Variants in ZNF334 observed in about 807,000 individuals in gnomAD.
ZNF334 encodes the protein zinc finger protein 334.
In ZNF334, 14 loss-of-function variants were observed where a neutral mutation model predicts 12.4. The ratio of observed to expected loss-of-function variants is 1.13; its 90% CI spans 0.74 to 1.76. The LOEUF is 1.76. ZNF334 is among the 40% of genes most tolerant of loss of function. The pLI, the probability that ZNF334 is intolerant of heterozygous loss-of-function variation, is 0.00. For synonymous variants in ZNF334, 273 were observed against 269.6 expected (o/e 1.01, Z -0.12); for missense variants, 797 against 804.5 (o/e 0.99, Z 0.11).
the ZNF334 span, among the ~76,000 whole-genome samples, chr20:46,465,861 G>A: frequency 1.3e-3 from 197 of 152,082 alleles, no homozygotes; most frequent in African/African-American, 4.7e-3. Context: ...AACCTGAGGC[G>A]GGAGAATGGC....
At chr20:46,508,379 G>A (rs1048825902) in intron 2 of ZNF334, among the ~76,000 whole-genome samples, 1 of 152,188 alleles carries the variant, frequency 6.6e-6, no homozygotes, top group Non-Finnish European at 1.5e-5. Flanking sequence ...CAAAGAAGAG[G>A]GCCAGCATTG....
the ZNF334 span, among the ~76,000 whole-genome samples, chr20:46,490,305 C>A: frequency 6.6e-6 from 1 of 152,124 alleles, no homozygotes; most frequent in Non-Finnish European, 1.5e-5. Context: ...AGAGCATCGG[C>A]CCAATCAATA....
At chr20:46,472,226 T>C in the ZNF334 span, among the ~76,000 whole-genome samples, 2 of 152,210 alleles carry the variant, frequency 1.3e-5, no homozygotes. Context: ...CCTTGCGGAA[T>C]ATAGTCCAGC....
the ZNF334 span, among the ~76,000 whole-genome samples, chr20:46,476,807 TA>T: frequency 0.089 from 13,515 of 152,236 alleles, 651 homozygotes; most frequent in East Asian, 0.18. Flanking sequence ...TGCCTTTCCA[TA>T]AGTTATAATG....
chr20:46,469,338 A>G, the ZNF334 span, among the ~76,000 whole-genome samples: 1 of 151,454 alleles, frequency 6.6e-6, no homozygotes, highest in East Asian at 1.9e-4. Context: ...GGACACCTTT[A>G]GAGATCCACC....
the ZNF334 span, among the ~76,000 whole-genome samples, chr20:46,479,643 C>G: frequency 6.6e-6 from 1 of 152,242 alleles, no homozygotes; most frequent in African/African-American, 2.4e-5. Flanking sequence ...TTGAAATGGC[C>G]CTGCAAAGCT....
chr20:46,503,303 T>C (rs1294051852), intron 4 of ZNF334, among the ~76,000 whole-genome samples: 2 of 152,164 alleles, frequency 1.3e-5, no homozygotes, highest in East Asian at 1.9e-4. Context: ...AATCCATCCA[T>C]ACCAGCCACT....
the ZNF334 span, among the ~76,000 whole-genome samples, chr20:46,488,367 C>T: frequency 2.1e-5 from 3 of 141,312 alleles, 1 homozygote; most frequent in African/African-American, 2.7e-5. Context: ...TACCTGCAAG[C>T]GATAGTATAC....
At chr20:46,468,543 C>A in the ZNF334 span, among the ~76,000 whole-genome samples, 4 of 151,998 alleles carry the variant, frequency 2.6e-5, no homozygotes, top group East Asian at 3.9e-4. Flanking sequence ...CCTCAGCCTC[C>A]GTAAGTGTTG....
the ZNF334 span, among the ~76,000 whole-genome samples, chr20:46,488,440 TATAA>T: frequency 6.2e-4 from 85 of 136,128 alleles, no homozygotes; most frequent in African/African-American, 2.6e-3. Flanking sequence ...TATATATATA[TATAA>T]ATACCATAAT....
chr20:46,464,130 A>T, the ZNF334 span: 1 of 560,750 alleles, frequency 1.8e-6, no homozygotes, highest in Admixed American at 1.9e-5. Flanking sequence ...GTCTCTGTGT[A>T]TCCTTTCTAT....
At chr20:46,496,338 T>C (rs2061023771), downstream of ZNF334, among the ~76,000 whole-genome samples, 5 of 152,318 alleles carry the variant, frequency 3.3e-5, no homozygotes. Flanking sequence ...TCATTTTCAT[T>C]TTGAGGATCT....
At chr20:46,511,227 A>AT (rs2061638549) in intron 2 of ZNF334, among the ~76,000 whole-genome samples, 1 of 140,046 alleles carries the variant, frequency 7.1e-6, no homozygotes, top group African/African-American at 2.8e-5. Flanking sequence ...CCTCATCTCA[A>AT]TTAAAAAAAA....
chr20:46,494,020 T>C, the ZNF334 span, among the ~76,000 whole-genome samples: 4 of 152,170 alleles, frequency 2.6e-5, no homozygotes, highest in Non-Finnish European at 5.9e-5. Context: ...CAAGAAGAAA[T>C]GGAAAAATTG....
intron 2 of ZNF334, chr20:46,505,026 A>G: frequency 3.8e-6 from 1 of 266,044 alleles, no homozygotes; most frequent in African/African-American, 2.2e-5. Context: ...ACAGGGTGAC[A>G]AAAATAGAAA....
At chr20:46,485,403 G>A in the ZNF334 span, 6 of 151,906 alleles carry the variant, frequency 3.9e-5, no homozygotes, top group Non-Finnish European at 7.4e-5. Context: ...TGAATGAATG[G>A]GTTAGCTCGG....
downstream of ZNF334, among the ~76,000 whole-genome samples, chr20:46,497,863 T>C (rs1195922384): frequency 6.6e-6 from 1 of 152,264 alleles, no homozygotes; most frequent in Admixed American, 6.5e-5. Flanking sequence ...TGAGCCAGCA[T>C]GGCATGACCA....
intron 2 of ZNF334, chr20:46,506,318 G>A: frequency 3.1e-6 from 2 of 652,098 alleles, no homozygotes; most frequent in Non-Finnish European, 5.6e-6. Flanking sequence ...TTTTATGTAA[G>A]AAAGGAGATG....
At chr20:46,503,491 C>T (rs1471228182) in intron 4 of ZNF334, among the ~76,000 whole-genome samples, 1 of 152,082 alleles carries the variant, frequency 6.6e-6, no homozygotes, top group Admixed American at 6.5e-5. Flanking sequence ...CAAGTAAGCA[C>T]TTAGAGAAAG....
Sources: allele counts gnomAD v4.1 joint callset (sites outside exome capture counted in the v4.1 genomes callset), GRCh38; gene constraint gnomAD v4.1.1; transcripts MANE v1.5; gene names NCBI Gene and HGNC (gene_info 2026-07-23, HGNC 2026-07-21).